Variants in PKHD1 observed in about 807,000 individuals in gnomAD.
PKHD1 encodes fibrocystin.
Under a neutral mutation model 412.0 loss-of-function variants are expected in PKHD1, and 291 were observed. The observed-to-expected ratio is 0.71, with a 90% CI of 0.64 to 0.78. The LOEUF (loss-of-function observed/expected upper bound fraction) is 0.78, where lower values mean the gene tolerates loss of function less well. Ranked by LOEUF, PKHD1 falls within the 30% of genes least tolerant of loss-of-function variation. PKHD1 has a pLI of 0.00. For synonymous variants in PKHD1, 1,777 were observed against 1,821.5 expected (o/e 0.98, Z 0.62); for missense variants, 4,825 against 4,950.7 (o/e 0.97, Z 0.76).
chr6:51,746,520 G>T (rs908289533), intron 59 of PKHD1, among the ~76,000 whole-genome samples: 1 of 152,142 alleles, frequency 6.6e-6, no homozygotes. Context: ...TCTTTAGTGA[G>T]AGATATTTTA....
intron 60 of PKHD1, among the ~76,000 whole-genome samples, chr6:51,709,528 A>G (rs1170585795): frequency 2.0e-5 from 3 of 152,218 alleles, no homozygotes; most frequent in Non-Finnish European, 4.4e-5. Flanking sequence ...TCTAGAGACC[A>G]TTGTTGCAGA....
At chr6:51,661,300 T>C (rs1422312102) in intron 60 of PKHD1, among the ~76,000 whole-genome samples, 2 of 152,006 alleles carry the variant, frequency 1.3e-5, no homozygotes, top group Admixed American at 6.6e-5. Context: ...TAGATAGATA[T>C]AGATATAGAA....
intron 60 of PKHD1, among the ~76,000 whole-genome samples, chr6:51,675,859 T>C (rs1378345674): frequency 6.6e-6 from 1 of 152,188 alleles, no homozygotes; most frequent in Non-Finnish European, 1.5e-5. Context: ...GAAGCTCTTC[T>C]CTAAGTGGGG....
rs1008629421 is a variant in PKHD1, at chr6:51,672,238, C to T, written c.10157-12269G>A. ...AATTTTATATAGAAGTGATTAGGAA[C>T]CATACAAATCACACCCTACTAAGCC... On this transcript the variant is annotated intron_variant, in intron 60 of 66. Transcript: ENST00000371117. Among the ~76,000 whole-genome samples the T allele has an allele frequency of 3.3e-5, 5 of 152,108 alleles. No homozygotes were observed. In the South Asian group the frequency reaches 8.3e-4, roughly 25 times the overall value.
intron 60 of PKHD1, among the ~76,000 whole-genome samples, chr6:51,668,647 A>T (rs373464887): frequency 4.6e-5 from 7 of 151,542 alleles, no homozygotes; most frequent in Non-Finnish European, 7.4e-5. Flanking sequence ...AATGCTTCCA[A>T]TTTTTGCCCA....
chr6:51,891,269 TTTTGTTTG>T (rs746728385), intron 43 of PKHD1, among the ~76,000 whole-genome samples: 1 of 152,262 alleles, frequency 6.6e-6, no homozygotes, highest in East Asian at 1.9e-4. Flanking sequence ...GGTTTTGTTT[TTTTGTTTG>T]TTTGTTTGTT....
At chr6:51,940,067 T>C (rs1788231956) in intron 36 of PKHD1, among the ~76,000 whole-genome samples, 4 of 151,678 alleles carry the variant, frequency 2.6e-5, no homozygotes, top group Admixed American at 6.6e-5. Flanking sequence ...ATTTAGGCTC[T>C]TTTTCATCAA....
rs111483778 is a variant in PKHD1, at chr6:52,018,900, A to G, written c.5381-1271T>C. 4.6e-3 allele frequency among the ~76,000 whole-genome samples: 702 copies of G among 152,120 alleles called. 6 individuals are homozygous for G. Among genetic ancestry groups the G allele is most frequent in the African/African-American group, 0.016 (659 of 41,488 alleles). ...GTTTCTCTCATTTGCCCATTTTTCT[A>G]TTGGGTTGTTTGTCTTATTGACTTG... On this transcript the variant is annotated intron_variant, in intron 33 of 66. Coordinates refer to ENST00000371117, the MANE Select transcript of PKHD1 (RefSeq NM_138694.4).
At chr6:51,884,495 C>T (rs1020201433) in intron 45 of PKHD1, among the ~76,000 whole-genome samples, 10 of 152,068 alleles carry the variant, frequency 6.6e-5, no homozygotes, top group Middle Eastern at 3.4e-3. Context: ...TGGTATAGTT[C>T]GAGGGAAGTT....
chr6:52,048,998 T>C (rs1806319933), intron 22 of PKHD1, among the ~76,000 whole-genome samples: 1 of 152,242 alleles, frequency 6.6e-6, no homozygotes, highest in South Asian at 2.1e-4. Context: ...TTTCTGCACC[T>C]GCCTTTAATA....
At chr6:51,839,014 G>A (rs1010006432) in intron 50 of PKHD1, among the ~76,000 whole-genome samples, 1 of 152,138 alleles carries the variant, frequency 6.6e-6, no homozygotes, top group African/African-American at 2.4e-5. Flanking sequence ...CAGTCAACAA[G>A]GTTCAAGAAA....
At chr6:51,623,102 G>A (rs1195150963) in intron 66 of PKHD1, among the ~76,000 whole-genome samples, 1 of 151,918 alleles carries the variant, frequency 6.6e-6, no homozygotes, top group Non-Finnish European at 1.5e-5. Flanking sequence ...TTAGAAAATT[G>A]GCTTTGTATC....
At chr6:51,655,771 T>G (rs1771721414) in intron 61 of PKHD1, among the ~76,000 whole-genome samples, 1 of 151,936 alleles carries the variant, frequency 6.6e-6, no homozygotes, top group Admixed American at 6.6e-5. Context: ...TTGAGGTCCC[T>G]GAAAAACCAC....
intron 66 of PKHD1, among the ~76,000 whole-genome samples, chr6:51,620,784 A>C (rs1206933095): frequency 6.2e-5 from 9 of 145,070 alleles, no homozygotes; most frequent in African/African-American, 2.0e-4. Context: ...AACATTATAT[A>C]TACATATATA....
At chr6:51,760,929 A>C (rs1172125064) in intron 55 of PKHD1, among the ~76,000 whole-genome samples, 2 of 152,116 alleles carry the variant, frequency 1.3e-5, no homozygotes, top group African/African-American at 4.8e-5. Context: ...ACAGTGAAAG[A>C]TAACAAAGGT....
rs148583625 is a variant in PKHD1 at position 51,871,166 on chromosome 6, A to G, written c.7351-527T>C. 1.2e-3 allele frequency among the ~76,000 whole-genome samples: 190 copies of G among 152,314 alleles called. 3 individuals carry two copies. The highest frequency in any genetic ancestry group is 3.8e-3 in the African/African-American group (158 of 41,574). ...CCCTTATCATATGACCTAGCAATTC[A>G]ACTCCTAGGTATTTACCTTGGAGAA... On this transcript the variant is annotated intron_variant, in intron 46 of 66. Transcript: ENST00000371117.
At chr6:51,668,038 T>C (rs1451944773) in intron 60 of PKHD1, among the ~76,000 whole-genome samples, 1 of 152,176 alleles carries the variant, frequency 6.6e-6, no homozygotes, top group Non-Finnish European at 1.5e-5. Flanking sequence ...GGCTCTTTTT[T>C]GGTTCCATAT....
rs1782957747 is a variant in PKHD1 at position 51,911,677 on chromosome 6, C to T, written c.6490+122G>A. Reference sequence around the variant, plus strand: ...TCTGAAAACTACAGAAAAGTATGGGCATCCAAAGTTTAAGGGCTTATTCTA... The same window carrying T: ...TCTGAAAACTACAGAAAAGTATGGGTATCCAAAGTTTAAGGGCTTATTCTA... On this transcript the variant is annotated intron_variant, in intron 39 of 66. Coordinates refer to ENST00000371117, the MANE Select transcript of PKHD1 (RefSeq NM_138694.4). 7 of 835,220 alleles carry T rather than the reference C, an allele frequency of 8.4e-6. No individual in the cohort carries two copies. The African/African-American group carries it at 1.0e-4, about 12-fold the overall frequency. 51.7% of individuals were successfully genotyped at this position (835,220 alleles called of 1,614,324 possible). A position where few individuals can be genotyped will look rare whatever the true frequency, so the allele number is the denominator to read the frequency against.
At chr6:52,053,830 C>T (rs2128204821) in intron 20 of PKHD1, among the ~76,000 whole-genome samples, 1 of 152,338 alleles carries the variant, frequency 6.6e-6, no homozygotes. Context: ...TGAGAAATGT[C>T]AGACTCCCTC....
Sources: gnomAD v4.1 joint callset for allele counts (sites outside exome capture counted in the v4.1 genomes callset) on GRCh38, gnomAD v4.1.1 for gene constraint, MANE v1.5 for transcripts, NCBI Gene and HGNC (gene_info 2026-07-23, HGNC 2026-07-21) for gene names.